Variants in C14orf132 observed in about 807,000 individuals in gnomAD.
The protein encoded by C14orf132 is chromosome 14 open reading frame 132, also known as uncharacterized protein C14orf132.
C14orf132 carries 6 observed loss-of-function variants against 5.8 expected under a neutral mutation model. The ratio of observed to expected loss-of-function variants is 1.03; its 90% CI spans 0.57 to 2.04. The LOEUF (loss-of-function observed/expected upper bound fraction) is 2.04, where lower values mean the gene tolerates loss of function less well. C14orf132 is among the 30% of genes most tolerant of loss of function. The probability of loss-of-function intolerance (pLI) is 0.00; values close to 1 mark genes in which losing one functional copy is unlikely to be tolerated. For missense variants in C14orf132, 125 were observed against 115.8 expected (o/e 1.08, Z -0.37); for synonymous variants, 51 against 49.8 (o/e 1.02, Z -0.10).
chr14:96,073,072 G>A (rs997948068), intron 1 of C14orf132, among the ~76,000 whole-genome samples: 3 of 152,220 alleles, frequency 2.0e-5, no homozygotes, highest in Admixed American at 2.0e-4. Flanking sequence ...TTCTTTAAAT[G>A]GCTGCATAAT....
At chr14:96,055,140 C>A (rs968461981) in intron 1 of C14orf132, among the ~76,000 whole-genome samples, 2 of 152,208 alleles carry the variant, frequency 1.3e-5, no homozygotes, top group South Asian at 4.1e-4. Context: ...ACTCACACCG[C>A]AGCAAGCGAC....
chr14:96,071,588 C>G (rs1887708598), intron 1 of C14orf132, among the ~76,000 whole-genome samples: 1 of 152,052 alleles, frequency 6.6e-6, no homozygotes, highest in Non-Finnish European at 1.5e-5. Context: ...CACACTGCCC[C>G]CTGGGGATCC....
At chr14:96,072,057 T>C (rs76503304) in intron 1 of C14orf132, among the ~76,000 whole-genome samples, 4,585 of 152,244 alleles carry the variant, frequency 0.03, 227 homozygotes, top group African/African-American at 0.1. Flanking sequence ...CAAGAGATCC[T>C]CCAAGTCGGA....
rs1187293879 is a variant in C14orf132 at position 96,090,489 on chromosome 14, G to A, written c.*3754G>A. ...GAAGGTCTTTGAGAAGAGGCCAGAC[G>A]CCGCTGTAGCCAGGCCTGTCTTAAG... is the stretch of plus-strand genomic sequence containing the variant. On this transcript the variant is annotated 3_prime_UTR_variant, in exon 2 of 2. Coordinates refer to ENST00000555004, the MANE Select transcript of C14orf132 (RefSeq NM_001252507.3). The A allele has an allele frequency of 2.3e-5, 9 of 388,854 alleles. No individual in the cohort carries two copies. Among genetic ancestry groups the A allele is most frequent in the East Asian group, 1.5e-4 (2 of 13,702 alleles). The allele number at this position is 388,854 out of a possible 1,614,324, so 24.1% of individuals were successfully genotyped here. A position where few individuals can be genotyped will look rare whatever the true frequency, so the allele number is the denominator to read the frequency against.
intron 1 of C14orf132, among the ~76,000 whole-genome samples, chr14:96,062,624 C>T (rs1887393616): frequency 6.6e-6 from 1 of 152,120 alleles, no homozygotes; most frequent in Admixed American, 6.5e-5. Flanking sequence ...GCTCCCTGCT[C>T]ACGGCTGCTA....
rs371381526 is a variant in C14orf132 at position 96,049,653 on chromosome 14, T to TATACGTATATATATAGAGAGAGAG, written c.27+10127_27+10128insTACGTATATATATAGAGAGAGAGA. Among the ~76,000 whole-genome samples the TATACGTATATATATAGAGAGAGAG allele has an allele frequency of 5.6e-3, 462 of 82,274 alleles. 48 individuals are homozygous for TATACGTATATATATAGAGAGAGAG. The highest frequency in any genetic ancestry group is 8.2e-3 in the Non-Finnish European group (332 of 40,688). 54.0% of individuals were successfully genotyped at this position (82,274 alleles called of 152,430 possible). A position where few individuals can be genotyped will look rare whatever the true frequency, so the allele number is the denominator to read the frequency against. ...ATACATATATACGTATATATATATATAGAGAGAGAGAGAGAGAGAGTTCTG... is the reference window on the plus strand; with the variant it reads ...ATACATATATACGTATATATATATATATACGTATATATATAGAGAGAGAGAGAGAGAGAGAGAGAGAGAGTTCTG... On this transcript the variant is annotated intron_variant, in intron 1 of 1. Transcript: ENST00000555004.
At chr14:96,065,547 C>T (rs985865272) in intron 1 of C14orf132, among the ~76,000 whole-genome samples, 13 of 152,028 alleles carry the variant, frequency 8.6e-5, no homozygotes, top group East Asian at 1.9e-4. Flanking sequence ...TTGTCCTCTC[C>T]TCTTAGCCTT....
intron 1 of C14orf132, among the ~76,000 whole-genome samples, chr14:96,075,501 T>C (rs1887835970): frequency 6.6e-6 from 1 of 152,182 alleles, no homozygotes; most frequent in Non-Finnish European, 1.5e-5. Context: ...TCCTAGATCG[T>C]AGAGGGAAGC....
chr14:96,056,822 A>G (rs1306240523), intron 1 of C14orf132, among the ~76,000 whole-genome samples: 2 of 152,146 alleles, frequency 1.3e-5, no homozygotes, highest in African/African-American at 2.4e-5. Flanking sequence ...CACACAATTT[A>G]TCTGCACCTC....
At chr14:96,065,974 C>T (rs8014434) in intron 1 of C14orf132, among the ~76,000 whole-genome samples, 110,937 of 152,078 alleles carry the variant, frequency 0.73, 40,976 homozygotes, top group Admixed American at 0.79. Context: ...TTTGCTTGAC[C>T]GCTGAGATCC....
chr14:96,074,588 G>A (rs1220834768), intron 1 of C14orf132, among the ~76,000 whole-genome samples: 1 of 148,840 alleles, frequency 6.7e-6, no homozygotes, highest in African/African-American at 2.5e-5. Context: ...TAATTTTTGT[G>A]TAAGAGATTG....
At chr14:96,085,182 A>T (rs1273338766) in intron 1 of C14orf132, among the ~76,000 whole-genome samples, 1 of 152,212 alleles carries the variant, frequency 6.6e-6, no homozygotes, top group African/African-American at 2.4e-5. Flanking sequence ...AGTGATTGAG[A>T]GTATTTTAAT....
intron 1 of C14orf132, among the ~76,000 whole-genome samples, chr14:96,040,526 G>A (rs1396101299): frequency 6.6e-6 from 1 of 152,166 alleles, no homozygotes; most frequent in Non-Finnish European, 1.5e-5. Flanking sequence ...TACAGGGAAC[G>A]AAGTTTGAGG....
At chr14:96,062,243 T>C (rs954705190) in intron 1 of C14orf132, among the ~76,000 whole-genome samples, 1 of 152,074 alleles carries the variant, frequency 6.6e-6, no homozygotes, top group African/African-American at 2.4e-5. Context: ...CACTAGGGTG[T>C]TGAACCACAG....
chr14:96,054,160 C>A (rs746668243), intron 1 of C14orf132, among the ~76,000 whole-genome samples: 5 of 152,134 alleles, frequency 3.3e-5, no homozygotes, highest in Non-Finnish European at 7.4e-5. Flanking sequence ...AGAATCCCTC[C>A]CCATCATCCC....
At chr14:96,071,512 G>A (rs905472374) in intron 1 of C14orf132, among the ~76,000 whole-genome samples, 1 of 152,208 alleles carries the variant, frequency 6.6e-6, no homozygotes, top group Non-Finnish European at 1.5e-5. Flanking sequence ...TGGATTTGGT[G>A]GCATAAACTC....
rs1595162635 is a variant in C14orf132, at chr14:96,039,594, G to A, written c.27+67G>A. On this transcript the variant is annotated intron_variant, in intron 1 of 1. Coordinates refer to ENST00000555004, the MANE Select transcript of C14orf132 (RefSeq NM_001252507.3). The surrounding 1 kb of genome is among the most constrained non-coding windows in gnomAD (Gnocchi z 5.3). ...TGGGGAGGTTCGGGGCCACGGTCTC[G>A]CCCTCCACGCTGGGGCTGGGCAGTG... 2.1e-6 allele frequency: 3 copies of A among 1,433,784 alleles called. No homozygotes were observed. The highest frequency in any genetic ancestry group is 1.8e-6 in the Non-Finnish European group (2 of 1,083,060). 88.8% of individuals were successfully genotyped at this position (1,433,784 alleles called of 1,614,324 possible). A position where few individuals can be genotyped will look rare whatever the true frequency, so the allele number is the denominator to read the frequency against.
intron 1 of C14orf132, among the ~76,000 whole-genome samples, chr14:96,085,739 G>A (rs1481664701): frequency 1.3e-5 from 2 of 152,220 alleles, no homozygotes; most frequent in Non-Finnish European, 2.9e-5. Context: ...GTACCATGAT[G>A]CATGTACATG....
chr14:96,041,742 C>A (rs540976854), intron 1 of C14orf132, among the ~76,000 whole-genome samples: 1 of 152,208 alleles, frequency 6.6e-6, no homozygotes, highest in Non-Finnish European at 1.5e-5. Context: ...CAGTTTGCAG[C>A]GAAATGTTGG....
Sources: gnomAD v4.1 joint callset for allele counts (sites outside exome capture counted in the v4.1 genomes callset) on GRCh38, gnomAD v4.1.1 for gene constraint, Gnocchi (gnomAD v3.1) non-coding constraint, MANE v1.5 for transcripts, NCBI Gene and HGNC (gene_info 2026-07-23, HGNC 2026-07-21) for gene names.